HTR3A: variants seen among roughly 807,000 people sequenced by gnomAD.
The protein encoded by HTR3A is 5-hydroxytryptamine (serotonin) receptor 3A, ionotropic.
HTR3A carries 45 observed loss-of-function variants against 54.8 expected under a neutral mutation model. That is an observed-to-expected ratio of 0.82 (90% CI 0.65 to 1.05). The LOEUF (loss-of-function observed/expected upper bound fraction) is 1.05. Among genes scored for constraint, HTR3A ranks in the 50% least tolerant of loss-of-function variants. HTR3A has a pLI of 0.00. For missense variants in HTR3A, 657 were observed against 614.0 expected (o/e 1.07, Z -0.74); for synonymous variants, 297 against 256.0 (o/e 1.16, Z -1.53).
In HTR3A at chr11:113,989,928, C is replaced by T. The variant is rs1337651118; in HGVS notation, c.*165C>T. The T allele has an allele frequency of 2.4e-6, 2 of 840,582 alleles. No homozygotes were observed. The highest frequency in any genetic ancestry group is 5.2e-5 in the East Asian group (2 of 38,138). 52.1% of individuals were successfully genotyped at this position (840,582 alleles called of 1,614,324 possible). The stretch of plus-strand genomic sequence containing the variant: ...CCAATTCATCTCAGCAATCACAAGC[C>T]AAGGTCTGAACCCTTCCACCAAAAA... On this transcript the variant is annotated 3_prime_UTR_variant, in exon 9 of 9. Coordinates refer to ENST00000504030, the MANE Select transcript of HTR3A (RefSeq NM_000869.6). The surrounding 1 kb of genome is among the most constrained non-coding windows in gnomAD (Gnocchi z 4.4).
chr11:113,977,480 C>T (rs1238904812), intron 1 of HTR3A: 7 of 1,543,056 alleles, frequency 4.5e-6, no homozygotes, highest in Non-Finnish European at 6.1e-6. Flanking sequence ...CTTCTTAGCC[C>T]TCAACCTGAT....
intron 3 of HTR3A, among the ~76,000 whole-genome samples, chr11:113,980,791 C>A (rs985033563): frequency 2.6e-5 from 4 of 152,214 alleles, no homozygotes; most frequent in Non-Finnish European, 4.4e-5. Flanking sequence ...GACTGGCCAT[C>A]CTGGCCTGAA....
At chr11:113,984,726 G>A (rs1041183827) in intron 5 of HTR3A, among the ~76,000 whole-genome samples, 3 of 152,146 alleles carry the variant, frequency 2.0e-5, no homozygotes, top group Non-Finnish European at 2.9e-5. Flanking sequence ...AGACCATCCT[G>A]GCCAACATGG....
chr11:113,977,821 T>C lies in HTR3A; in HGVS notation c.118T>C (p.Tyr40His). 6.2e-7 allele frequency: 1 copy of C among 1,614,160 alleles called. No homozygotes were observed. The highest frequency in any genetic ancestry group is 8.5e-7 in the Non-Finnish European group (1 of 1,180,032). Residue 40 changes from tyrosine (Y) to histidine (H), a missense_variant, in exon 2 of 9, where the codon TAC becomes CAC. Tyr to His is a moderately conservative substitution (Grantham distance 83, BLOSUM62 2). Transcript: ENST00000504030. ...TRPALLRLSD[Y>H]LLTNYRKGVR... ...GCCCGCTCTGCTGAGGCTGTCGGAT[T>C]ACCTTTTGACCAACTACAGGAAGGG...
intron 1 of HTR3A, among the ~76,000 whole-genome samples, chr11:113,977,271 AAGG>A (rs1950362364): frequency 6.6e-6 from 1 of 152,198 alleles, no homozygotes; most frequent in African/African-American, 2.4e-5. Flanking sequence ...CATACTCAAA[AAGG>A]AGATGTTGTG....
intron 8 of HTR3A, among the ~76,000 whole-genome samples, chr11:113,988,340 G>C (rs1019148785): frequency 6.6e-6 from 1 of 152,232 alleles, no homozygotes; most frequent in Admixed American, 6.5e-5. Context: ...CAACAAAATA[G>C]AGCAGAAGTA....
intron 5 of HTR3A, among the ~76,000 whole-genome samples, chr11:113,985,372 C>T (rs1224214212): frequency 6.6e-6 from 1 of 152,192 alleles, no homozygotes; most frequent in East Asian, 1.9e-4. Flanking sequence ...TTTTGGAAGG[C>T]AGCTGTGCTC....
Position 113,983,158 on chromosome 11 carries a change from A to T in HTR3A, c.413A>T (p.Tyr138Phe). The T allele has an allele frequency of 4.3e-6, 7 of 1,614,224 alleles. No homozygotes were observed. The highest frequency in any genetic ancestry group is 5.9e-6 in the Non-Finnish European group (7 of 1,180,028). ...AAGTCTCCAAATATCCCGTACGTGT[A>T]TATTCGGCATCAAGGCGAAGTTCAG... ...VGKSPNIPYV[Y>F]IRHQGEVQNY... Residue 138 changes from tyrosine (Y) to phenylalanine (F), a missense_variant, in exon 5 of 9, where the codon TAT (tyrosine) becomes TTT (phenylalanine). Tyr to Phe is a conservative substitution (Grantham distance 22). Transcript: ENST00000504030.
chr11:113,978,961 C>A (rs564361569), intron 2 of HTR3A, among the ~76,000 whole-genome samples: 2 of 152,240 alleles, frequency 1.3e-5, no homozygotes, highest in East Asian at 3.9e-4. Flanking sequence ...TGCACTGCAG[C>A]CTGGGCAACA....
At chr11:113,987,763 C>A (rs535470980) in intron 8 of HTR3A, among the ~76,000 whole-genome samples, 1 of 152,234 alleles carries the variant, frequency 6.6e-6, no homozygotes, top group East Asian at 1.9e-4. Flanking sequence ...AAATACACAG[C>A]CCAAAGACCA....
At chr11:113,986,228 A>C in intron 6 of HTR3A, 53 bp downstream of exon 6, 1 of 1,604,092 alleles carries the variant, frequency 6.2e-7, no homozygotes, top group Non-Finnish European at 8.5e-7. Flanking sequence ...ACATCCAGGT[A>C]GACTTAAGGA....
In HTR3A at chr11:113,986,584, G is replaced by A. The variant is rs1484184423; in HGVS notation, c.772G>A (p.Val258Ile). Residue 258 changes from valine to isoleucine, a missense_variant, in exon 7 of 9, where the codon GTC becomes ATC. Val to Ile is a conservative substitution (Grantham distance 29). Transcript: ENST00000504030. ...SLLLPSIFLMVMDIVGFYLPP... is the reference protein window; with the variant it reads ...SLLLPSIFLMIMDIVGFYLPP... ...GCTACTGCCCAGCATCTTCCTCATG[G>A]TCATGGACATCGTGGGCTTCTACCT... 6.2e-7 allele frequency: 1 copy of A among 1,613,514 alleles called. No individual in the cohort carries two copies. The highest frequency in any genetic ancestry group is 1.1e-5 in the South Asian group (1 of 91,084).
In HTR3A at chr11:113,979,284, A is replaced by G; in HGVS notation, c.264+7A>G. The G allele has an allele frequency of 6.2e-7, 1 of 1,606,572 alleles. No individual in the cohort carries two copies. Among genetic ancestry groups the G allele is most frequent in the Non-Finnish European group, 8.5e-7 (1 of 1,175,820 alleles). On this transcript the variant is annotated splice_region_variant and intron_variant, in intron 3 of 8. Transcript: ENST00000504030. Reference sequence around the variant, plus strand: ...CTACATCTGGTACCGGCAGGTGAGCAGACCCGCCCCTCCCTGCCCCCGTTA... The same window carrying G: ...CTACATCTGGTACCGGCAGGTGAGCGGACCCGCCCCTCCCTGCCCCCGTTA...
chr11:113,987,434 T>C (rs1374721644), intron 8 of HTR3A, among the ~76,000 whole-genome samples: 1 of 152,132 alleles, frequency 6.6e-6, no homozygotes, highest in Non-Finnish European at 1.5e-5. Flanking sequence ...CTAAAACTCT[T>C]ATACTAAACA....
At chr11:113,988,051 T>G (rs1950512812) in intron 8 of HTR3A, among the ~76,000 whole-genome samples, 1 of 152,236 alleles carries the variant, frequency 6.6e-6, no homozygotes, top group Admixed American at 6.5e-5. Flanking sequence ...GAGCCAGGAA[T>G]TGGTAGAACC....
At chr11:113,978,038 C>G in intron 2 of HTR3A, 116 bp downstream of exon 2, 1 of 1,197,114 alleles carries the variant, frequency 8.4e-7, no homozygotes, top group South Asian at 1.2e-5. Context: ...ATAGGACCTA[C>G]GGTCTGGCAC....
rs776875853 is a variant in HTR3A, at chr11:113,986,153, A to G, written c.683A>G (p.Tyr228Cys). The change falls in exon 6 of 9, where the codon TAC becomes TGC. Residue 228 changes from tyrosine (Y) to cysteine (C), a missense_variant. Transcript: ENST00000504030. The stretch of plus-strand genomic sequence containing the variant: ...GAGTTCAGCATGGAAAGCAGTAACT[A>G]CTATGCAGAAATGAAGTTCTATGTG... The part of the protein sequence containing the change: ...FREFSMESSN[Y>C]YAEMKFYVVI... 3.1e-6 allele frequency: 5 copies of G among 1,614,218 alleles called. No individual in the cohort carries two copies. In the South Asian group the frequency reaches 4.4e-5, roughly 14 times the overall value.
At chr11:113,980,993 C>A (rs962724632) in intron 3 of HTR3A, 28 of 571,350 alleles carry the variant, frequency 4.9e-5, no homozygotes, top group African/African-American at 4.9e-4. Flanking sequence ...TACATCTAGC[C>A]GAGTTGTTAT....
At chr11:113,988,548 G>A (rs1950518639) in intron 8 of HTR3A, among the ~76,000 whole-genome samples, 3 of 152,084 alleles carry the variant, frequency 2.0e-5, no homozygotes, top group African/African-American at 7.2e-5. Context: ...GGTGGATCAC[G>A]AGGTCAGGAG....
Sources: gnomAD v4.1 joint callset for allele counts (sites outside exome capture counted in the v4.1 genomes callset) on GRCh38, gnomAD v4.1.1 for gene constraint, Gnocchi (gnomAD v3.1) non-coding constraint, MANE v1.5 for transcripts, NCBI Gene and HGNC (gene_info 2026-07-23, HGNC 2026-07-21) for gene names.